Variants in ADA2 observed in about 807,000 individuals in gnomAD.
ADA2 encodes the protein adenosine deaminase CECR1.
A neutral mutation model predicts 44.2 loss-of-function variants in ADA2; 29 were observed. The ratio of observed to expected loss-of-function variants is 0.66; its 90% CI spans 0.49 to 0.89. The LOEUF is 0.89. Ranked by LOEUF, ADA2 falls within the 40% of genes least tolerant of loss-of-function variation. ADA2 has a pLI of 0.00. For synonymous variants in ADA2, 215 were observed against 234.9 expected, an observed-to-expected ratio of 0.92 and a Z score of 0.77; for missense variants, 637 against 644.8, an observed-to-expected ratio of 0.99 and a Z score of 0.13.
chr22:17,185,122 A>G (rs954935455), intron 7 of ADA2, among the ~76,000 whole-genome samples: 1 of 149,462 alleles, frequency 6.7e-6, no homozygotes, highest in African/African-American at 2.5e-5. Context: ...TTTTAAAAAT[A>G]AGGATATTGG....
chr22:17,221,446 C>G (rs751463068), upstream of ADA2, among the ~76,000 whole-genome samples: 2 of 152,056 alleles, frequency 1.3e-5, no homozygotes, highest in African/African-American at 2.4e-5. Flanking sequence ...CAGCCCCGAC[C>G]CCCCCGACAG....
At chr22:17,219,740 T>C (rs965819060), upstream of ADA2, among the ~76,000 whole-genome samples, 15 of 131,170 alleles carry the variant, frequency 1.1e-4, no homozygotes, top group Non-Finnish European at 2.1e-4. Context: ...AATGGCGCAA[T>C]CTCAGCTCAC....
chr22:17,191,604 ACCCCT>A, intron 5 of ADA2, 74 bp downstream of exon 5: 1 of 1,314,940 alleles, frequency 7.6e-7, no homozygotes, highest in Non-Finnish European at 1.1e-6. Flanking sequence ...CCCGCTTCTC[ACCCCT>A]CCCCTCCCAG....
rs2061965820 is a variant in ADA2, at chr22:17,181,339, C to T, written c.*144G>A. ...AGAATATTTCCAGAGGATGAATTTG[C>T]TCAGCCAGCCAAGTGCTTCTCACAG... On this transcript the variant is annotated 3_prime_UTR_variant, in exon 10 of 10. Coordinates refer to ENST00000399837, the MANE Select transcript of ADA2 (RefSeq NM_001282225.2). The T allele has an allele frequency of 2.4e-5, 16 of 668,118 alleles. No individual in the cohort carries two copies. The South Asian group carries it at 2.6e-4, about 11-fold the overall frequency. The allele number at this position is 668,118 out of a possible 1,614,324, so 41.4% of individuals were successfully genotyped here. A position where few individuals can be genotyped will look rare whatever the true frequency, so the allele number is the denominator to read the frequency against.
intron 1 of ADA2, chr22:17,214,260 C>T: frequency 3.0e-6 from 1 of 334,592 alleles, no homozygotes; most frequent in Non-Finnish European, 5.8e-6. Flanking sequence ...GCTTTACACA[C>T]ACCCTCGCAT....
rs2061957916 is a variant in ADA2 at position 17,180,571 on chromosome 22, G to A, written c.*912C>T. 6.6e-6 allele frequency: 1 copy of A among 152,104 alleles called. No homozygotes were observed. The allele number at this position is 152,104 out of a possible 1,614,324, so 9.4% of individuals were successfully genotyped here. On this transcript the variant is annotated 3_prime_UTR_variant, in exon 10 of 10. Transcript: ENST00000399837. ...CCCAGCACTTCGGGAGACTGCGGCAGGAGGATCACTTGAGTTGGAGACCAG... is the reference window on the plus strand; with the variant it reads ...CCCAGCACTTCGGGAGACTGCGGCAAGAGGATCACTTGAGTTGGAGACCAG...
At chr22:17,184,209 C>A (rs2062009535) in intron 7 of ADA2, among the ~76,000 whole-genome samples, 1 of 151,760 alleles carries the variant, frequency 6.6e-6, no homozygotes, top group Non-Finnish European at 1.5e-5. Context: ...TGTGATCCAC[C>A]TGCCTCAGCC....
In ADA2 at chr22:17,188,792, T is replaced by A. The variant is rs186796132; in HGVS notation, c.973-345A>T. ...TACTTGGGAGGCTGAGGCAGGAGAA[T>A]GGCATGAACCCAGGAGGCAGAACTT... On this transcript the variant is annotated intron_variant, in intron 6 of 9. Coordinates refer to ENST00000399837, the MANE Select transcript of ADA2 (RefSeq NM_001282225.2). The A allele has an allele frequency of 7.7e-4, 116 of 151,442 alleles. 5 individuals are homozygous for A. The East Asian group carries it at 0.023, about 30-fold the overall frequency. The allele number at this position is 151,442 out of a possible 1,614,324, so 9.4% of individuals were successfully genotyped here.
At chr22:17,207,403 G>C (rs907615652) in intron 2 of ADA2, 113 bp from the exon 3 acceptor site, 18 of 718,910 alleles carry the variant, frequency 2.5e-5, no homozygotes, top group Non-Finnish European at 3.9e-5. Flanking sequence ...TGGGGCTGTG[G>C]GGACAAAGGG....
chr22:17,189,019 CT>C (rs71200243), intron 6 of ADA2, among the ~76,000 whole-genome samples: 29,157 of 102,216 alleles, frequency 0.29, 3,664 homozygotes, highest in South Asian at 0.3. Context: ...AATCTAGATT[CT>C]TTTTTTTTTT....
At chr22:17,197,491 G>A (rs1418241185) in intron 4 of ADA2, among the ~76,000 whole-genome samples, 2 of 151,956 alleles carry the variant, frequency 1.3e-5, no homozygotes, top group Non-Finnish European at 2.9e-5. Context: ...GGCTGGTCTC[G>A]AACTCCTGAG....
intron 2 of ADA2, among the ~76,000 whole-genome samples, chr22:17,207,827 C>A (rs1436450526): frequency 6.6e-6 from 1 of 152,152 alleles, no homozygotes; most frequent in African/African-American, 2.4e-5. Flanking sequence ...ATCCTCTCAT[C>A]CTGCCCCTCA....
intron 4 of ADA2, chr22:17,199,625 C>A: frequency 1.2e-6 from 2 of 1,613,992 alleles, no homozygotes; most frequent in Admixed American, 1.7e-5. Context: ...TCTCTGGGAT[C>A]GCCATTTGAG....
rs755904154 is a variant in ADA2, at chr22:17,203,779, C to G, written c.543-6G>C. Reference sequence around the variant, plus strand: ...GAGTGAAATTCCTCAGCAAGCTGTCCAAGACACGAAGTGGGGAGTGGCAGA... The same window carrying G: ...GAGTGAAATTCCTCAGCAAGCTGTCGAAGACACGAAGTGGGGAGTGGCAGA... On this transcript the variant is annotated splice_region_variant and splice_polypyrimidine_tract_variant and intron_variant, in intron 3 of 9. Coordinates refer to ENST00000399837, the MANE Select transcript of ADA2 (RefSeq NM_001282225.2). 6.2e-7 allele frequency: 1 copy of G among 1,608,808 alleles called. No individual in the cohort carries two copies.
At chr22:17,192,121 A>C (rs2062124209) in intron 4 of ADA2, among the ~76,000 whole-genome samples, 1 of 152,056 alleles carries the variant, frequency 6.6e-6, no homozygotes, top group Non-Finnish European at 1.5e-5. Context: ...AAGTCCAGCC[A>C]GGCTGGACTT....
At chr22:17,193,307 A>T (rs2062144460) in intron 4 of ADA2, 1 of 522,750 alleles carries the variant, frequency 1.9e-6, no homozygotes, top group Admixed American at 2.5e-5. Context: ...AAAGAAAATG[A>T]GTAGACAGCT....
In ADA2 at chr22:17,181,510, CT is replaced by C; in HGVS notation, c.1508del (p.Lys503SerfsTer3). 1 of 1,613,264 alleles carries C rather than the reference CT, an allele frequency of 6.2e-7. No individual in the cohort carries two copies. The highest frequency in any genetic ancestry group is 8.5e-7 in the Non-Finnish European group (1 of 1,179,190). Reference protein sequence around the residue: ...FMEIWKKRWDKFIADVATK With the variant: ...FMEIWKKRWDXFIADVATK ...ACTTTGTAGCCACATCTGCTATGAA[CT>C]TATCCCATCTCTTCTTCCAGATTTC... On this transcript the variant is annotated frameshift_variant, in exon 10 of 10. Coordinates refer to ENST00000399837, the MANE Select transcript of ADA2 (RefSeq NM_001282225.2). LOFTEE classifies it high-confidence loss of function.
intron 4 of ADA2, chr22:17,199,589 G>A: frequency 6.2e-7 from 1 of 1,614,058 alleles, no homozygotes; most frequent in Admixed American, 1.7e-5. Context: ...CTCCCCTCCG[G>A]AAAAAGGAAA....
chr22:17,192,380 T>A (rs2123654647), intron 4 of ADA2, among the ~76,000 whole-genome samples: 1 of 152,174 alleles, frequency 6.6e-6, no homozygotes, highest in Admixed American at 6.5e-5. Flanking sequence ...GAGAATGACG[T>A]CATTCCCCAC....
Sources: allele counts gnomAD v4.1 joint callset (sites outside exome capture counted in the v4.1 genomes callset), GRCh38; gene constraint gnomAD v4.1.1; transcripts MANE v1.5; gene names NCBI Gene and HGNC (gene_info 2026-07-23, HGNC 2026-07-21).